The following NGEF variants were observed in gnomAD, a reference collection of about 807,000 sequenced individuals.
NGEF encodes ephexin-1.
Under a neutral mutation model 80.9 loss-of-function variants are expected in NGEF, and 31 were observed. That is an observed-to-expected ratio of 0.38 (90% confidence interval 0.29 to 0.52). The LOEUF (loss-of-function observed/expected upper bound fraction) is 0.52. Among genes scored for constraint, NGEF ranks in the 20% least tolerant of loss-of-function variants. The pLI is 0.84. For missense variants in NGEF, 709 were observed against 926.2 expected (o/e 0.77, Z 3.04); for synonymous variants, 371 against 370.2 (o/e 1.00, Z -0.03).
intron 1 of NGEF, among the ~76,000 whole-genome samples, chr2:233,007,883 C>A (rs138473603): frequency 1.3e-5 from 2 of 152,188 alleles, no homozygotes; most frequent in Non-Finnish European, 2.9e-5. Context: ...GTTGTCCAGG[C>A]GCCAGATGCC....
intron 5 of NGEF, chr2:232,901,458 G>T: frequency 1.0e-6 from 1 of 985,106 alleles, no homozygotes; most frequent in Non-Finnish European, 1.2e-6. Context: ...CCCGACCCCT[G>T]TGTTAACAAA....
At chr2:233,003,473 G>A (rs929424456) in intron 1 of NGEF, among the ~76,000 whole-genome samples, 7 of 152,208 alleles carry the variant, frequency 4.6e-5, no homozygotes, top group African/African-American at 1.4e-4. Context: ...TCCGCCTGGA[G>A]CAGCCCTGCC....
intron 1 of NGEF, among the ~76,000 whole-genome samples, chr2:232,987,767 G>T (rs2106331890): frequency 6.6e-6 from 1 of 152,316 alleles, no homozygotes; most frequent in East Asian, 1.9e-4. Context: ...GGCTCAAAGG[G>T]ATTGTGGCCT....
At chr2:232,917,110 C>A (rs897600287) in intron 5 of NGEF, among the ~76,000 whole-genome samples, 1 of 152,236 alleles carries the variant, frequency 6.6e-6, no homozygotes, top group Admixed American at 6.5e-5. Flanking sequence ...CCAGTGAATT[C>A]TCAGTGGAAA....
chr2:232,993,237 T>TTTATTTATATATATATTATATATATAA (rs1694710598), intron 1 of NGEF, among the ~76,000 whole-genome samples: 2 of 114,226 alleles, frequency 1.8e-5, no homozygotes, highest in African/African-American at 4.2e-5. Flanking sequence ...CATATATATG[T>TTTATTTATATATATATTATATATATAA]ATATTTTCAG....
chr2:232,885,429 C>T (rs1356617168), intron 9 of NGEF, 60 bp from the exon 10 acceptor site: 1 of 1,429,186 alleles, frequency 7.0e-7, no homozygotes, highest in Non-Finnish European at 9.8e-7. Flanking sequence ...CCCCTTCCTC[C>T]AGCTCGGTCA....
At chr2:232,980,503 C>A (rs1185635679) in intron 1 of NGEF, among the ~76,000 whole-genome samples, 2 of 151,884 alleles carry the variant, frequency 1.3e-5, no homozygotes, top group Non-Finnish European at 2.9e-5. Flanking sequence ...TTTCTTTTTT[C>A]TTTTCTTTTT....
At chr2:232,955,668 G>A (rs1187793726) in intron 3 of NGEF, among the ~76,000 whole-genome samples, 1 of 152,160 alleles carries the variant, frequency 6.6e-6, no homozygotes, top group African/African-American at 2.4e-5. Flanking sequence ...ACAGGCATGT[G>A]CCACCACATC....
At chr2:232,921,353 G>A (rs1349175794) in intron 4 of NGEF, among the ~76,000 whole-genome samples, 1 of 152,188 alleles carries the variant, frequency 6.6e-6, no homozygotes, top group East Asian at 1.9e-4. Flanking sequence ...GGAGGAAAGG[G>A]GTCAGACCCC....
At chr2:232,992,107 G>A (rs1184682859) in intron 1 of NGEF, among the ~76,000 whole-genome samples, 2 of 152,092 alleles carry the variant, frequency 1.3e-5, no homozygotes, top group Non-Finnish European at 2.9e-5. Context: ...GTTGTAAGGG[G>A]TAAAACCATA....
intron 3 of NGEF, among the ~76,000 whole-genome samples, chr2:232,963,941 G>A (rs961114594): frequency 2.0e-5 from 3 of 152,082 alleles, no homozygotes; most frequent in East Asian, 3.9e-4. Context: ...ATAAAAAATG[G>A]TTAGGCATCT....
At chr2:232,905,152 G>A (rs1240542222) in intron 5 of NGEF, among the ~76,000 whole-genome samples, 2 of 152,002 alleles carry the variant, frequency 1.3e-5, no homozygotes, top group African/African-American at 4.8e-5. Flanking sequence ...CTCATGCCGA[G>A]CCAAAGCTGG....
At chr2:232,938,567 T>C (rs911622293) in intron 3 of NGEF, among the ~76,000 whole-genome samples, 3 of 151,890 alleles carry the variant, frequency 2.0e-5, no homozygotes, top group Non-Finnish European at 4.4e-5. Flanking sequence ...TTTTGATCAA[T>C]AGAAGCATCC....
chr2:232,943,832 G>C (rs966686952), intron 3 of NGEF, among the ~76,000 whole-genome samples: 1 of 151,874 alleles, frequency 6.6e-6, no homozygotes, highest in Non-Finnish European at 1.5e-5. Context: ...AATCTCTTGT[G>C]ATTACCAAAC....
At position 232,892,912 on chromosome 2, in the gene NGEF, G is replaced by C. The variant is rs757582630; in HGVS notation, c.1128C>G (p.Thr376=). 2 of 1,613,354 alleles carry C rather than the reference G, an allele frequency of 1.2e-6. No individual in the cohort carries two copies. The highest frequency in any genetic ancestry group is 3.3e-5 in the Admixed American group (2 of 60,018). The change falls in exon 7 of 15, where the codon ACC becomes ACG. Residue 376 remains threonine (T), a synonymous_variant. Coordinates refer to ENST00000264051, the MANE Select transcript of NGEF (RefSeq NM_019850.3). This position sits in a 1 kb window ranked among gnomAD's most constrained non-coding sequence, Gnocchi z 4.0. ...GATACACTCACAGCAGCTGCTTATA[G>C]GTCCGCTCCTGGTAGGTCTGATTGC... ...YVSNQTYQER[T]YKQLLQEKAA...
rs146705426 is a variant in NGEF, at chr2:232,993,862, C to T, written c.-74-18898G>A. Among the ~76,000 whole-genome samples, 22 of 152,182 alleles carry T rather than the reference C, an allele frequency of 1.4e-4. No homozygotes were observed. The East Asian group carries it at 2.3e-3, about 16-fold the overall frequency. Reference sequence around the variant, plus strand: ...TGCATTTATATGAAACGTCCAGAACCGGAGACTCCACAGAGACTGAAAGCA... The same window carrying T: ...TGCATTTATATGAAACGTCCAGAACTGGAGACTCCACAGAGACTGAAAGCA... On this transcript the variant is annotated intron_variant, in intron 1 of 14. Transcript: ENST00000264051.
chr2:232,908,688 A>G, intron 5 of NGEF, among the ~76,000 whole-genome samples: 1 of 151,890 alleles, frequency 6.6e-6, no homozygotes, highest in East Asian at 1.9e-4. Context: ...TATAGGCATG[A>G]GCCACCATAC....
intron 1 of NGEF, among the ~76,000 whole-genome samples, chr2:233,003,724 C>A (rs935901542): frequency 2.0e-5 from 3 of 152,156 alleles, no homozygotes; most frequent in African/African-American, 2.4e-5. Context: ...AAAGGCCCAG[C>A]CCAGCAGGCC....
intron 5 of NGEF, among the ~76,000 whole-genome samples, chr2:232,908,839 C>T (rs1189503226): frequency 6.6e-6 from 1 of 151,716 alleles, no homozygotes; most frequent in Non-Finnish European, 1.5e-5. Flanking sequence ...CTTTGGGGTG[C>T]TCATGTTTTT....
Sources: gnomAD v4.1 joint callset for allele counts (sites outside exome capture counted in the v4.1 genomes callset) on GRCh38, gnomAD v4.1.1 for gene constraint, Gnocchi (gnomAD v3.1) non-coding constraint, MANE v1.5 for transcripts, NCBI Gene and HGNC (gene_info 2026-07-23, HGNC 2026-07-21) for gene names.